SIK3: variants seen among roughly 807,000 people sequenced by gnomAD.
SIK3 encodes serine/threonine-protein kinase SIK3.
A neutral mutation model predicts 144.2 loss-of-function variants in SIK3; 28 were observed. That is an observed-to-expected ratio of 0.19 (90% CI 0.14 to 0.27). The LOEUF (loss-of-function observed/expected upper bound fraction) is 0.27, where lower values mean the gene tolerates loss of function less well. SIK3 is among the 10% of genes least tolerant of loss of function. The probability of loss-of-function intolerance (pLI) is 1.00; values close to 1 mark genes in which losing one functional copy is unlikely to be tolerated. For missense variants in SIK3, 1,319 were observed against 1,776.0 expected, an observed-to-expected ratio of 0.74 and a Z score of 4.62; for synonymous variants, 686 against 676.3, an observed-to-expected ratio of 1.01 and a Z score of -0.22.
chr11:116,875,771 C>G (rs1026633197), intron 9 of SIK3, 95 bp downstream of exon 9: 1 of 1,410,952 alleles, frequency 7.1e-7, no homozygotes, highest in Non-Finnish European at 9.5e-7. Context: ...TAAGGAAGAG[C>G]AAGAAACTCT....
At chr11:116,917,422 G>T (rs1243579821) in intron 4 of SIK3, among the ~76,000 whole-genome samples, 1 of 152,110 alleles carries the variant, frequency 6.6e-6, no homozygotes, top group Non-Finnish European at 1.5e-5. Flanking sequence ...GAAACTACAG[G>T]TAAGAGGCTG....
In SIK3 at chr11:116,849,390, A is replaced by T. The variant is rs1483079963; in HGVS notation, c.3656-107T>A. ...AGGGACAATGGGCAAGGCTGAGGAGATCATGTACACCAACCGCTGATCCTC... is the reference window on the plus strand; with the variant it reads ...AGGGACAATGGGCAAGGCTGAGGAGTTCATGTACACCAACCGCTGATCCTC... On this transcript the variant is annotated intron_variant, in intron 21 of 24. Transcript: ENST00000445177. This position sits in a 1 kb window ranked among gnomAD's most constrained non-coding sequence, Gnocchi z 4.2. 3.0e-6 allele frequency: 4 copies of T among 1,324,524 alleles called. No homozygotes were observed. In the Admixed American group the frequency reaches 7.7e-5, roughly 26 times the overall value. 82.0% of individuals were successfully genotyped at this position (1,324,524 alleles called of 1,614,324 possible). A position where few individuals can be genotyped will look rare whatever the true frequency, so the allele number is the denominator to read the frequency against.
intron 1 of SIK3, among the ~76,000 whole-genome samples, chr11:116,966,332 C>A (rs933201426): frequency 7.9e-5 from 12 of 152,176 alleles, no homozygotes; most frequent in South Asian, 6.2e-4. Context: ...GAGCTCAAGG[C>A]TATAGTGGGC....
chr11:117,023,621 A>AAATATATATATATAT (rs754624841), intron 1 of SIK3, among the ~76,000 whole-genome samples: 12 of 95,410 alleles, frequency 1.3e-4, no homozygotes, highest in African/African-American at 4.8e-4. Flanking sequence ...AAAAAAAAAA[A>AAATATATATATATAT]ATATATATAT....
At chr11:116,936,984 G>A (rs572255742) in intron 3 of SIK3, among the ~76,000 whole-genome samples, 2 of 152,324 alleles carry the variant, frequency 1.3e-5, no homozygotes, top group South Asian at 4.1e-4. Flanking sequence ...TTTCTCTGAA[G>A]CTAACCCTAA....
chr11:117,029,972 AG>A (rs2135791269), intron 1 of SIK3, among the ~76,000 whole-genome samples: 1 of 151,952 alleles, frequency 6.6e-6, no homozygotes, highest in Admixed American at 6.6e-5. Context: ...CATAGAGAGA[AG>A]AGGGAGAGCA....
intron 4 of SIK3, among the ~76,000 whole-genome samples, chr11:116,926,948 G>A (rs1947308485): frequency 6.6e-6 from 1 of 150,398 alleles, no homozygotes; most frequent in Admixed American, 6.7e-5. Context: ...TTGAACCTGG[G>A]AGATGGAGGC....
intron 1 of SIK3, among the ~76,000 whole-genome samples, chr11:117,044,707 C>A (rs1952882990): frequency 6.6e-6 from 1 of 151,872 alleles, no homozygotes. Context: ...ATAGGGAGAC[C>A]CCGTCTTTAT....
chr11:117,071,781 A>AT (rs1954291016), intron 1 of SIK3, among the ~76,000 whole-genome samples: 1 of 118,720 alleles, frequency 8.4e-6, no homozygotes, highest in Admixed American at 8.8e-5. Context: ...ATGCTTGGTT[A>AT]ATTTTTTTTT....
chr11:116,923,839 T>C (rs561486019), intron 4 of SIK3, among the ~76,000 whole-genome samples: 31 of 152,346 alleles, frequency 2.0e-4, no homozygotes, highest in African/African-American at 7.0e-4. Context: ...TTGTGACTCC[T>C]TGAATTTGTT....
chr11:117,042,700 G>C (rs544778572), intron 1 of SIK3, among the ~76,000 whole-genome samples: 1 of 152,228 alleles, frequency 6.6e-6, no homozygotes, highest in South Asian at 2.1e-4. Context: ...AAGCCAACTG[G>C]CTAAAATGCT....
chr11:116,934,227 A>G (rs1160003715), intron 3 of SIK3, among the ~76,000 whole-genome samples: 1 of 152,258 alleles, frequency 6.6e-6, no homozygotes, highest in Non-Finnish European at 1.5e-5. Flanking sequence ...TACTGTGTCT[A>G]GTACAATGAA....
chr11:116,889,915 G>A (rs61096084), intron 6 of SIK3, among the ~76,000 whole-genome samples: 1 of 151,976 alleles, frequency 6.6e-6, no homozygotes, highest in East Asian at 1.9e-4. Context: ...TATTAAAAAA[G>A]AAATTATTTT....
intron 1 of SIK3, among the ~76,000 whole-genome samples, chr11:117,069,741 T>C (rs1255931982): frequency 6.6e-6 from 1 of 152,190 alleles, no homozygotes; most frequent in African/African-American, 2.4e-5. Context: ...TATTGAAGTT[T>C]GCCATTACCT....
chr11:116,969,542 T>C (rs778241891), intron 1 of SIK3, among the ~76,000 whole-genome samples: 7 of 152,042 alleles, frequency 4.6e-5, no homozygotes, highest in South Asian at 2.1e-4. Context: ...GGTTTCTTGA[T>C]AGATCAAGTT....
At chr11:116,906,667 TG>T (rs1194054812) in intron 4 of SIK3, among the ~76,000 whole-genome samples, 1 of 152,180 alleles carries the variant, frequency 6.6e-6, no homozygotes, top group Non-Finnish European at 1.5e-5. Context: ...CTCATCCAAG[TG>T]TTATGTAACT....
intron 1 of SIK3, among the ~76,000 whole-genome samples, chr11:117,006,323 T>C (rs1304832657): frequency 6.6e-6 from 1 of 152,232 alleles, no homozygotes; most frequent in African/African-American, 2.4e-5. Flanking sequence ...AGAGATTCCA[T>C]ATCTACCCAA....
intron 1 of SIK3, among the ~76,000 whole-genome samples, chr11:117,080,675 C>T (rs1303967909): frequency 3.3e-5 from 5 of 152,248 alleles, no homozygotes; most frequent in African/African-American, 7.2e-5. Context: ...GGGCTGGGCA[C>T]GCTGACTCAC....
At chr11:116,863,073 CAAAAA>C (rs144760564) in intron 16 of SIK3, among the ~76,000 whole-genome samples, 1 of 115,466 alleles carries the variant, frequency 8.7e-6, no homozygotes. Flanking sequence ...GACTTGGTCT[CAAAAA>C]AAAAAAAAAA....
Sources: gnomAD v4.1 joint callset for allele counts (sites outside exome capture counted in the v4.1 genomes callset) on GRCh38, gnomAD v4.1.1 for gene constraint, Gnocchi (gnomAD v3.1) non-coding constraint, MANE v1.5 for transcripts, NCBI Gene and HGNC (gene_info 2026-07-23, HGNC 2026-07-21) for gene names.